Variants in TTC34 observed in about 807,000 individuals in gnomAD.
TTC34 encodes the protein tetratricopeptide repeat domain 34.
A neutral mutation model predicts 40.7 loss-of-function variants in TTC34; 44 were observed. The ratio of observed to expected loss-of-function variants is 1.08; its 90% CI spans 0.85 to 1.39. The LOEUF is 1.39. TTC34 is among the 40% of genes most tolerant of loss of function. The pLI, the probability that TTC34 is intolerant of heterozygous loss-of-function variation, is 0.00. For missense variants in TTC34, 884 were observed against 838.0 expected (o/e 1.05, Z -0.68); for synonymous variants, 422 against 398.6 (o/e 1.06, Z -0.70).
chr1:2,759,573 CG>C (rs1641623383), intron 6 of TTC34, among the ~76,000 whole-genome samples: 1 of 148,396 alleles, frequency 6.7e-6, no homozygotes, highest in Non-Finnish European at 1.5e-5. Flanking sequence ...AGACGAGCAT[CG>C]GACAGCCTGG....
At position 2,747,686 on chromosome 1, in the gene TTC34, A is replaced by G. The variant is rs1641197679; in HGVS notation, c.2226+35923T>C. Among the ~76,000 whole-genome samples the G allele has an allele frequency of 1.5e-5, 2 of 129,200 alleles. 1 individual carries two copies. Among genetic ancestry groups the G allele is most frequent in the African/African-American group, 6.1e-5 (2 of 33,016 alleles). The allele number at this position is 129,200 out of a possible 152,430, so 84.8% of individuals were successfully genotyped here. ...GGAACAGCACGCAAACCCCCAGGTG[A>G]GCATCTGACAGCTTGGAACAGCACC... On this transcript the variant is annotated intron_variant, in intron 6 of 8. Coordinates refer to ENST00000401095, the Ensembl canonical transcript of TTC34.
chr1:2,785,812 C>T lies in TTC34; in HGVS notation c.2059+7G>A. 6.5e-7 allele frequency: 1 copy of T among 1,543,392 alleles called. No individual in the cohort carries two copies. The highest frequency in any genetic ancestry group is 8.7e-7 in the Non-Finnish European group (1 of 1,143,532). ...CTGGGCCCTGGGGGCAGGTGGGCAG[C>T]TCCTACCTGCGGCAAAGATGGCCAG... On this transcript the variant is annotated splice_region_variant and intron_variant, in intron 5 of 8. Transcript: ENST00000401095.
chr1:2,688,062 T>C (rs1261593895), intron 6 of TTC34, among the ~76,000 whole-genome samples: 1 of 149,796 alleles, frequency 6.7e-6, no homozygotes, highest in South Asian at 2.1e-4. Context: ...GGTAAGCATC[T>C]GACAGCCTGG....
intron 6 of TTC34, among the ~76,000 whole-genome samples, chr1:2,683,317 G>A (rs555658215): frequency 2.4e-4 from 36 of 150,748 alleles, no homozygotes; most frequent in Admixed American, 7.3e-4. Flanking sequence ...ACACCCCCAG[G>A]TGAGCATCTG....
chr1:2,652,491 G>A (rs1235089657), intron 6 of TTC34, among the ~76,000 whole-genome samples: 97 of 143,386 alleles, frequency 6.8e-4, no homozygotes, highest in African/African-American at 1.5e-3. Context: ...ACACCCCCAG[G>A]CGAGCATCTG....
chr1:2,647,009 C>T (rs1639031600), intron 6 of TTC34, among the ~76,000 whole-genome samples: 1 of 152,156 alleles, frequency 6.6e-6, no homozygotes, highest in Non-Finnish European at 1.5e-5. Context: ...TCCATTGTTT[C>T]TGGGACAAAT....
In TTC34 at chr1:2,681,967, C is replaced by T. The variant is rs1304643793; in HGVS notation, c.2227-36404G>A. 2.9e-4 allele frequency among the ~76,000 whole-genome samples: 35 copies of T among 120,340 alleles called. 3 individuals are homozygous for T. The highest frequency in any genetic ancestry group is 1.1e-3 in the African/African-American group (34 of 30,226). The allele number at this position is 120,340 out of a possible 152,430, so 78.9% of individuals were successfully genotyped here. A position where few individuals can be genotyped will look rare whatever the true frequency, so the allele number is the denominator to read the frequency against. On this transcript the variant is annotated intron_variant, in intron 6 of 8. Coordinates refer to ENST00000401095, the Ensembl canonical transcript of TTC34. ...ACACCCCAAGGCGAGCATCTGACGG[C>T]CTGGAACAGCACCCACACCCCCAGG...
chr1:2,801,189 C>T (rs555647051), intron 1 of TTC34, among the ~76,000 whole-genome samples: 2 of 152,182 alleles, frequency 1.3e-5, no homozygotes, highest in South Asian at 2.1e-4. Context: ...TACGGTGGCC[C>T]GAGGTGTCAG....
At chr1:2,692,456 A>G (rs1220339030) in intron 6 of TTC34, among the ~76,000 whole-genome samples, 11 of 130,862 alleles carry the variant, frequency 8.4e-5, no homozygotes, top group Non-Finnish European at 9.8e-5. Flanking sequence ...CTGGAGCAGC[A>G]CCCACACCCC....
At chr1:2,655,898 C>G (rs1204627316) in intron 6 of TTC34, among the ~76,000 whole-genome samples, 83 of 126,088 alleles carry the variant, frequency 6.6e-4, no homozygotes, top group Admixed American at 1.1e-3. Context: ...CCCAAACCCC[C>G]AGGTGAGCAT....
chr1:2,647,008 T>C (rs1463602436), intron 6 of TTC34, among the ~76,000 whole-genome samples: 1 of 152,238 alleles, frequency 6.6e-6, no homozygotes, highest in Non-Finnish European at 1.5e-5. Context: ...TTCCATTGTT[T>C]CTGGGACAAA....
At chr1:2,652,995 C>G (rs1232906630) in intron 6 of TTC34, among the ~76,000 whole-genome samples, 27 of 151,852 alleles carry the variant, frequency 1.8e-4, no homozygotes, top group African/African-American at 5.1e-4. Context: ...CAGCGTGGAG[C>G]AGCACCCACA....
chr1:2,645,570 G>A lies in TTC34; in HGVS notation c.2227-7C>T. The A allele has an allele frequency of 7.1e-7, 1 of 1,418,342 alleles. No homozygotes were observed. The highest frequency in any genetic ancestry group is 9.2e-7 in the Non-Finnish European group (1 of 1,087,340). 87.9% of individuals were successfully genotyped at this position (1,418,342 alleles called of 1,614,324 possible). On this transcript the variant is annotated splice_region_variant and splice_polypyrimidine_tract_variant and intron_variant, in intron 6 of 8. Coordinates refer to ENST00000401095, the Ensembl canonical transcript of TTC34. This position sits in a 1 kb window ranked among gnomAD's most constrained non-coding sequence, Gnocchi z 4.7. Reference sequence around the variant, plus strand: ...CGATGTCGTCCACGGCTTCCTGCAAGGAGGGAGGGCGGGCGGGTGCAGAGT... The same window carrying A: ...CGATGTCGTCCACGGCTTCCTGCAAAGAGGGAGGGCGGGCGGGTGCAGAGT...
intron 6 of TTC34, among the ~76,000 whole-genome samples, chr1:2,780,217 G>A (rs897938880): frequency 1.3e-5 from 2 of 152,174 alleles, no homozygotes; most frequent in African/African-American, 4.8e-5. Flanking sequence ...TGCAAATATT[G>A]TGGTTTTCTT....
At chr1:2,695,028 C>G (rs1557625036) in intron 6 of TTC34, among the ~76,000 whole-genome samples, 5 of 151,534 alleles carry the variant, frequency 3.3e-5, no homozygotes, top group African/African-American at 9.7e-5. Context: ...GAACAGCACC[C>G]TGCACCCCCA....
intron 6 of TTC34, among the ~76,000 whole-genome samples, chr1:2,657,381 C>G (rs4247141): frequency 2.1e-5 from 2 of 94,018 alleles, no homozygotes; most frequent in Non-Finnish European, 5.6e-5. Flanking sequence ...GCACCCACAC[C>G]CCGAGGTGAG....
At chr1:2,697,492 G>T (rs1449485305) in intron 6 of TTC34, among the ~76,000 whole-genome samples, 34 of 151,934 alleles carry the variant, frequency 2.2e-4, no homozygotes, top group African/African-American at 3.9e-4. Context: ...GCACCCCCAG[G>T]TGCGCACATG....
intron 6 of TTC34, among the ~76,000 whole-genome samples, chr1:2,653,325 C>T (rs568359858): frequency 6.7e-6 from 1 of 148,820 alleles, no homozygotes. Context: ...ACAGCACACA[C>T]ACCCCCAGGT....
Position 2,779,227 on chromosome 1 carries a change from T to A in TTC34, c.2226+4382A>T, listed in dbSNP as rs1405232691. Among the ~76,000 whole-genome samples the A allele has an allele frequency of 4.6e-5, 7 of 152,356 alleles. No homozygotes were observed. The East Asian group carries it at 1.3e-3, about 29-fold the overall frequency. On this transcript the variant is annotated intron_variant, in intron 6 of 8. Coordinates refer to ENST00000401095, the Ensembl canonical transcript of TTC34. ...CTCTTGTGAACAATGATGCTATCTA[T>A]GAATATGGTGTACAAATGTCTCTAA...
Sources: allele counts gnomAD v4.1 joint callset (sites outside exome capture counted in the v4.1 genomes callset), GRCh38; gene constraint gnomAD v4.1.1; non-coding constraint Gnocchi (gnomAD v3.1); transcripts MANE v1.5; gene names NCBI Gene and HGNC (gene_info 2026-07-23, HGNC 2026-07-21).